Variants in RAP1B observed in about 807,000 individuals in gnomAD.
The protein encoded by RAP1B is ras-related protein Rap-1b.
Under a neutral mutation model 27.5 loss-of-function variants are expected in RAP1B, and 1 was observed. The observed-to-expected ratio is 0.04, with a 90% CI of 0.01 to 0.17. RAP1B has a LOEUF of 0.17. Ranked by LOEUF, RAP1B falls within the 10% of genes least tolerant of loss-of-function variation. The pLI is 1.00. For synonymous variants in RAP1B, 75 were observed against 73.1 expected, an observed-to-expected ratio of 1.03 and a Z score of -0.13; for missense variants, 84 against 214.8, an observed-to-expected ratio of 0.39 and a Z score of 3.81.
intron 1 of RAP1B, among the ~76,000 whole-genome samples, chr12:68,616,141 T>A (rs940162659): frequency 1.3e-5 from 2 of 151,558 alleles, no homozygotes; most frequent in Admixed American, 1.3e-4. Context: ...TTTTTTGTGT[T>A]TTAGTAGAGA....
At chr12:68,623,788 C>A (rs752987594) in intron 1 of RAP1B, among the ~76,000 whole-genome samples, 1 of 152,146 alleles carries the variant, frequency 6.6e-6, no homozygotes. Context: ...TTTGGAAGGC[C>A]AAGGTGGGTG....
In RAP1B at chr12:68,656,532, A is replaced by G. The variant is rs777467244; in HGVS notation, c.468+83A>G. On this transcript the variant is annotated intron_variant, in intron 6 of 7. Transcript: ENST00000250559. ...TGGAAAATGTCTTAACCCCAAGTTA[A>G]TATGTACTCAGGGTAATATGTTGAT... is the stretch of plus-strand genomic sequence containing the variant. 1.4e-5 allele frequency: 19 copies of G among 1,379,108 alleles called. No homozygotes were observed. In the South Asian group the frequency reaches 2.2e-4, roughly 16 times the overall value. The allele number at this position is 1,379,108 out of a possible 1,614,324, so 85.4% of individuals were successfully genotyped here. A position where few individuals can be genotyped will look rare whatever the true frequency, so the allele number is the denominator to read the frequency against.
In RAP1B at chr12:68,650,407, A is replaced by G. The variant is rs1176622233; in HGVS notation, c.65A>G (p.Gln22Arg). 1.3e-6 allele frequency: 2 copies of G among 1,561,734 alleles called. No homozygotes were observed. The highest frequency in any genetic ancestry group is 1.7e-6 in the Non-Finnish European group (2 of 1,151,250). ...TCTTAATTTTTTTTTCAGACTGTAC[A>G]ATTTGTTCAAGGAATTTTTGTAGAA... ...GGVGKSALTV[Q>R]FVQGIFVEKY... Residue 22 changes from glutamine to arginine, a missense_variant, in exon 3 of 8, where the codon CAA (glutamine) becomes CGA (arginine). Coordinates refer to ENST00000250559, the MANE Select transcript of RAP1B (RefSeq NM_001010942.3).
intron 1 of RAP1B, chr12:68,626,785 G>GT (rs1871815262): frequency 2.5e-6 from 3 of 1,208,422 alleles, no homozygotes; most frequent in Non-Finnish European, 2.3e-6. Context: ...TTTTTTTTTT[G>GT]TTGTTTGTTT....
At chr12:68,655,157 A>T (rs931821129) in intron 5 of RAP1B, among the ~76,000 whole-genome samples, 17 of 146,642 alleles carry the variant, frequency 1.2e-4, no homozygotes, top group East Asian at 7.9e-4. Context: ...CCAGAAATTT[A>T]AAAAAAAAAA....
chr12:68,654,355 G>A, intron 5 of RAP1B, 103 bp downstream of exon 5: 1 of 464,256 alleles, frequency 2.2e-6, no homozygotes, highest in Non-Finnish European at 3.2e-6. Flanking sequence ...TTTGGTTGGG[G>A]GGGGGGTGTT....
At chr12:68,651,695 C>T (rs545556524) in intron 3 of RAP1B, 24 of 304,512 alleles carry the variant, frequency 7.9e-5, no homozygotes, top group East Asian at 7.2e-4. Flanking sequence ...TGAGCTATTT[C>T]GAAACTATTT....
intron 1 of RAP1B, among the ~76,000 whole-genome samples, chr12:68,619,351 T>A (rs920892975): frequency 1.3e-5 from 2 of 152,216 alleles, no homozygotes; most frequent in Non-Finnish European, 2.9e-5. Context: ...TTAGAAAGCT[T>A]GTATCAGCTG....
chr12:68,654,360 G>GA lies in RAP1B; in HGVS notation c.324+108_324+109insA. The GA allele has an allele frequency of 9.3e-6, 4 of 432,192 alleles. 1 individual carries two copies. The highest frequency in any genetic ancestry group is 1.4e-5 in the Non-Finnish European group (4 of 280,578). The allele number at this position is 432,192 out of a possible 1,614,324, so 26.8% of individuals were successfully genotyped here. On this transcript the variant is annotated intron_variant, in intron 5 of 7. Transcript: ENST00000250559. ...GCTTGTGTATTTTGGTTGGGGGGGG[G>GA]GTGTTGGTTTTTTTAAACTTTTTCC...
chr12:68,637,521 A>G (rs545402199), intron 1 of RAP1B, among the ~76,000 whole-genome samples: 1 of 137,830 alleles, frequency 7.3e-6, no homozygotes, highest in East Asian at 2.4e-4. Flanking sequence ...CAGTTGAACC[A>G]GGGAGGCTGA....
At chr12:68,650,583 T>TC in intron 3 of RAP1B, 115 bp downstream of exon 3, 1 of 996,310 alleles carries the variant, frequency 1.0e-6, no homozygotes, top group South Asian at 2.6e-5. Context: ...ATTTATAAAA[T>TC]TAGTGGGAAA....
chr12:68,646,096 G>A (rs1156862271), intron 1 of RAP1B, among the ~76,000 whole-genome samples: 1 of 152,198 alleles, frequency 6.6e-6, no homozygotes, highest in Non-Finnish European at 1.5e-5. Context: ...TCACTAAGAA[G>A]TGTAGCTCCC....
At chr12:68,628,198 C>T (rs1488043137) in intron 1 of RAP1B, among the ~76,000 whole-genome samples, 1 of 152,172 alleles carries the variant, frequency 6.6e-6, no homozygotes, top group Non-Finnish European at 1.5e-5. Flanking sequence ...CACAAAATTA[C>T]ATGTACTTTA....
chr12:68,656,269 T>C (rs1400648059), intron 5 of RAP1B, 37 bp from the exon 6 acceptor site: 2 of 1,541,886 alleles, frequency 1.3e-6, no homozygotes, highest in Non-Finnish European at 1.8e-6. Context: ...ATAGCATATT[T>C]ACTTATTTAT....
Position 68,663,394 on chromosome 12 carries a change from TGAGAGAA to T in RAP1B, c.*4151_*4157del. 6.6e-6 allele frequency: 1 copy of T among 152,254 alleles called. No individual in the cohort carries two copies. The highest frequency in any genetic ancestry group is 1.9e-4 in the East Asian group (1 of 5,178). 9.4% of individuals were successfully genotyped at this position (152,254 alleles called of 1,614,324 possible). A position where few individuals can be genotyped will look rare whatever the true frequency, so the allele number is the denominator to read the frequency against. ...ATACATTTGATATTTCAAGAATACATGAGAGAAGAGAGGTAGATTGAGAACAGAACTA... is the reference window on the plus strand; with the variant it reads ...ATACATTTGATATTTCAAGAATACATGAGAGGTAGATTGAGAACAGAACTA... On this transcript the variant is annotated 3_prime_UTR_variant, in exon 8 of 8. Transcript: ENST00000250559.
At chr12:68,624,962 T>C (rs1022521789) in intron 1 of RAP1B, 1 of 152,272 alleles carries the variant, frequency 6.6e-6, no homozygotes, top group Non-Finnish European at 1.5e-5. Flanking sequence ...ATGCTCTGGT[T>C]ATTCTAACAG....
chr12:68,642,638 T>G, intron 1 of RAP1B: 2 of 1,062,526 alleles, frequency 1.9e-6, no homozygotes. Flanking sequence ...GTTCTTCATC[T>G]TCTCCATCTG....
Position 68,655,180 on chromosome 12 carries a change from T to C in RAP1B, c.324+928T>C, listed in dbSNP as rs1874115275. The stretch of plus-strand genomic sequence containing the variant: ...TTAAAAAAAAAAAAATTAGCCAGCA[T>C]GGTGGCGCGTGCCTGTGGTCTCAGC... On this transcript the variant is annotated intron_variant, in intron 5 of 7. Coordinates refer to ENST00000250559, the MANE Select transcript of RAP1B (RefSeq NM_001010942.3). Among the ~76,000 whole-genome samples, 3 of 151,376 alleles carry C rather than the reference T, an allele frequency of 2.0e-5. No individual in the cohort carries two copies. The South Asian group carries it at 6.3e-4, about 32-fold the overall frequency.
chr12:68,647,659 A>G (rs73332543), intron 1 of RAP1B, among the ~76,000 whole-genome samples: 162 of 151,192 alleles, frequency 1.1e-3, no homozygotes, highest in African/African-American at 3.7e-3. Flanking sequence ...TGGTTGGCAA[A>G]CTTTCAAAGA....
Sources: gnomAD v4.1 joint callset for allele counts (sites outside exome capture counted in the v4.1 genomes callset) on GRCh38, gnomAD v4.1.1 for gene constraint, MANE v1.5 for transcripts, NCBI Gene and HGNC (gene_info 2026-07-23, HGNC 2026-07-21) for gene names.